WWOX: variants seen among roughly 807,000 people sequenced by gnomAD.
The protein encoded by WWOX is WW domain-containing oxidoreductase.
A neutral mutation model predicts 46.2 loss-of-function variants in WWOX; 69 were observed. The ratio of observed to expected loss-of-function variants is 1.49; its 90% CI spans 1.23 to 1.82. The LOEUF (loss-of-function observed/expected upper bound fraction) is 1.82. Among genes scored for constraint, WWOX ranks in the 40% most tolerant of loss-of-function variants. The pLI, the probability that WWOX is intolerant of heterozygous loss-of-function variation, is 0.00. For missense variants in WWOX, 919 were observed against 542.6 expected (o/e 1.69, Z -6.89); for synonymous variants, 359 against 202.6 (o/e 1.77, Z -6.56).
At chr16:78,514,639 A>T (rs777640492) in intron 8 of WWOX, among the ~76,000 whole-genome samples, 3 of 152,278 alleles carry the variant, frequency 2.0e-5, no homozygotes, top group Non-Finnish European at 4.4e-5. Context: ...GAGTTTCTTG[A>T]TGCATTTAAA....
At chr16:78,748,697 G>A (rs2049406875) in intron 8 of WWOX, among the ~76,000 whole-genome samples, 1 of 152,202 alleles carries the variant, frequency 6.6e-6, no homozygotes, top group African/African-American at 2.4e-5. Flanking sequence ...TGCTGTCAGG[G>A]CCCGTGGCAA....
At chr16:78,517,550 G>A (rs2043262803) in intron 8 of WWOX, among the ~76,000 whole-genome samples, 1 of 152,166 alleles carries the variant, frequency 6.6e-6, no homozygotes, top group Non-Finnish European at 1.5e-5. Flanking sequence ...GGATACAAAT[G>A]GATTTGAATT....
intron 8 of WWOX, among the ~76,000 whole-genome samples, chr16:78,928,203 C>G (rs993384962): frequency 7.5e-6 from 1 of 134,220 alleles, no homozygotes. Flanking sequence ...TACCACTTTT[C>G]TTTTTTTTTT....
At chr16:78,958,688 GA>G (rs1263866225) in intron 8 of WWOX, among the ~76,000 whole-genome samples, 1 of 152,136 alleles carries the variant, frequency 6.6e-6, no homozygotes, top group Non-Finnish European at 1.5e-5. Context: ...TCAGACAACT[GA>G]AATATAAATT....
intron 8 of WWOX, among the ~76,000 whole-genome samples, chr16:79,210,660 A>AAATT (rs1186698875): frequency 6.6e-6 from 1 of 152,212 alleles, no homozygotes; most frequent in Non-Finnish European, 1.5e-5. Flanking sequence ...TATTGGTTTT[A>AAATT]AATTAGAGAC....
At chr16:78,328,842 C>G (rs953340476) in intron 5 of WWOX, among the ~76,000 whole-genome samples, 12 of 150,410 alleles carry the variant, frequency 8.0e-5, no homozygotes, top group African/African-American at 3.0e-4. Context: ...TTTTTCTTTT[C>G]TTTTGTTTTC....
intron 8 of WWOX, among the ~76,000 whole-genome samples, chr16:78,903,060 C>A (rs2044869449): frequency 6.6e-6 from 1 of 152,168 alleles, no homozygotes; most frequent in African/African-American, 2.4e-5. Flanking sequence ...AAGAATGAAG[C>A]AACAAAAGCT....
intron 8 of WWOX, among the ~76,000 whole-genome samples, chr16:79,034,893 G>A (rs1280665103): frequency 1.3e-5 from 2 of 151,910 alleles, no homozygotes; most frequent in East Asian, 1.9e-4. Context: ...AAAAGATAAT[G>A]GAATTATAGC....
At chr16:78,600,242 AC>A (rs955038506) in intron 8 of WWOX, among the ~76,000 whole-genome samples, 1 of 152,030 alleles carries the variant, frequency 6.6e-6, no homozygotes, top group African/African-American at 2.4e-5. Context: ...TGTGGGAGCG[AC>A]AGTTCAAGAT....
At chr16:78,506,728 T>TTTTTTTTTTTTTTTTTTTTG (rs1330915138) in intron 8 of WWOX, among the ~76,000 whole-genome samples, 3 of 93,590 alleles carry the variant, frequency 3.2e-5, no homozygotes, top group Non-Finnish European at 4.5e-5. Context: ...TTTTTTTTTT[T>TTTTTTTTTTTTTTTTTTTTG]GTACAGAGTC....
intron 8 of WWOX, among the ~76,000 whole-genome samples, chr16:78,639,546 C>T (rs1277485921): frequency 6.6e-6 from 1 of 150,516 alleles, no homozygotes; most frequent in Admixed American, 6.6e-5. Context: ...GGCCTCCCCT[C>T]AGACTCCAGG....
chr16:78,857,753 C>T (rs930089180), intron 8 of WWOX, among the ~76,000 whole-genome samples: 13 of 152,150 alleles, frequency 8.5e-5, no homozygotes, highest in African/African-American at 2.4e-4. Context: ...GCTCATAACT[C>T]GATTTTCCAA....
At chr16:79,190,380 G>A (rs902148682) in intron 8 of WWOX, among the ~76,000 whole-genome samples, 32 of 152,078 alleles carry the variant, frequency 2.1e-4, no homozygotes, top group Admixed American at 2.1e-3. Flanking sequence ...GCTATTAGGC[G>A]TAGATTCCTG....
In WWOX at chr16:78,735,426, C is replaced by CACACACACACACACACACAA. The variant is rs57609552; in HGVS notation, c.1056+302674_1056+302675insACACACACACACACACACAA. Reference sequence around the variant, plus strand: ...ACACACACACACACACACACACACACTAATATGGTTCTGATTCTCTGGAGA... The same window carrying CACACACACACACACACACAA: ...ACACACACACACACACACACACACACACACACACACACACACACAATAATATGGTTCTGATTCTCTGGAGA... On this transcript the variant is annotated intron_variant, in intron 8 of 8. Coordinates refer to ENST00000566780, the MANE Select transcript of WWOX (RefSeq NM_016373.4). Among the ~76,000 whole-genome samples the CACACACACACACACACACAA allele has an allele frequency of 1.4e-3, 217 of 150,300 alleles. 1 individual carries two copies. Among genetic ancestry groups the CACACACACACACACACACAA allele is most frequent in the Middle Eastern group, 6.8e-3 (2 of 294 alleles).
intron 5 of WWOX, 133 bp downstream of exon 5, chr16:78,164,422 CTTTG>C (rs1649675926): frequency 7.4e-6 from 6 of 810,528 alleles, no homozygotes; most frequent in South Asian, 1.6e-5. Context: ...GTCATCTTCA[CTTTG>C]TTTGTCTTAT....
At chr16:78,796,003 A>C (rs1414841962) in intron 8 of WWOX, among the ~76,000 whole-genome samples, 1 of 152,206 alleles carries the variant, frequency 6.6e-6, no homozygotes, top group African/African-American at 2.4e-5. Flanking sequence ...ATGTTTAAAT[A>C]TCCTAAGACC....
At chr16:78,632,483 G>A (rs1321169871) in intron 8 of WWOX, among the ~76,000 whole-genome samples, 1 of 150,708 alleles carries the variant, frequency 6.6e-6, no homozygotes, top group African/African-American at 2.5e-5. Flanking sequence ...TGGGAGAAAC[G>A]AGCAAGGTGT....
intron 8 of WWOX, among the ~76,000 whole-genome samples, chr16:79,164,501 G>A (rs1437580498): frequency 1.3e-5 from 2 of 151,830 alleles, no homozygotes; most frequent in African/African-American, 4.9e-5. Context: ...GGGATGGGGG[G>A]AGGCCACCAG....
chr16:78,997,163 A>G (rs998766032), intron 8 of WWOX, among the ~76,000 whole-genome samples: 9 of 151,104 alleles, frequency 6.0e-5, no homozygotes, highest in Non-Finnish European at 1.2e-4. Context: ...GGGGGGTGCT[A>G]TTTTCCGGGG....
Sources: allele counts gnomAD v4.1 joint callset (sites outside exome capture counted in the v4.1 genomes callset), GRCh38; gene constraint gnomAD v4.1.1; transcripts MANE v1.5; gene names NCBI Gene and HGNC (gene_info 2026-07-23, HGNC 2026-07-21).